PC: variants seen among roughly 807,000 people sequenced by gnomAD.
PC encodes the protein pyruvate carboxylase, mitochondrial.
Under a neutral mutation model 107.8 loss-of-function variants are expected in PC, and 46 were observed. That is an observed-to-expected ratio of 0.43 (90% CI 0.34 to 0.55). The LOEUF is 0.55. Ranked by LOEUF, PC falls within the 20% of genes least tolerant of loss-of-function variation. PC has a pLI of 0.04. For synonymous variants in PC, 662 were observed against 684.7 expected (o/e 0.97, Z 0.52); for missense variants, 1,241 against 1,643.1 (o/e 0.76, Z 4.23).
In PC at chr11:66,852,361, C is replaced by T. The variant is rs1773106627; in HGVS notation, c.1825+78G>A. On this transcript the variant is annotated intron_variant, in intron 15 of 22. Coordinates refer to ENST00000393960, the MANE Select transcript of PC (RefSeq NM_001040716.2). The surrounding 1 kb of genome is among the most constrained non-coding windows in gnomAD (Gnocchi z 4.7). ...TCGTGTCAGCGTCTCTAGCTTGTCC[C>T]CAGTGGCCTAAGCCTGTGGGACTGG... 2 of 1,168,338 alleles carry T rather than the reference C, an allele frequency of 1.7e-6. No homozygotes were observed. The highest frequency in any genetic ancestry group is 3.0e-5 in the African/African-American group (2 of 66,436). The allele number at this position is 1,168,338 out of a possible 1,614,324, so 72.4% of individuals were successfully genotyped here.
intron 3 of PC, among the ~76,000 whole-genome samples, chr11:66,916,082 G>C (rs985515799): frequency 1.4e-4 from 21 of 152,126 alleles, no homozygotes; most frequent in Non-Finnish European, 2.6e-4. Context: ...ATTGCTGGAG[G>C]GGATCAGCAG....
intron 3 of PC, among the ~76,000 whole-genome samples, chr11:66,951,106 C>G (rs1204571360): frequency 6.6e-6 from 1 of 152,128 alleles, no homozygotes; most frequent in Admixed American, 6.6e-5. Context: ...AGGAAACCAG[C>G]TCCTGCGTCA....
intron 3 of PC, among the ~76,000 whole-genome samples, chr11:66,886,077 T>C (rs1188048894): frequency 6.6e-6 from 1 of 150,996 alleles, no homozygotes; most frequent in Non-Finnish European, 1.5e-5. Flanking sequence ...GCAGCAGAGA[T>C]GAGAAGTGAA....
At chr11:66,956,963 C>T (rs570128694) in intron 1 of PC, among the ~76,000 whole-genome samples, 3 of 152,354 alleles carry the variant, frequency 2.0e-5, no homozygotes, top group African/African-American at 7.2e-5. Context: ...TCATCGCCCA[C>T]GCTGTCTCTC....
At chr11:66,918,072 G>C (rs939158314) in intron 3 of PC, among the ~76,000 whole-genome samples, 1 of 152,156 alleles carries the variant, frequency 6.6e-6, no homozygotes, top group Admixed American at 6.5e-5. Context: ...TCTAGGTGGT[G>C]ATAGAAACAG....
Position 66,866,267 on chromosome 11 carries a change from T to C in PC, c.1105A>G (p.Ile369Val). Residue 369 changes from isoleucine (I) to valine (V), a missense_variant, in exon 11 of 23, where the codon ATC becomes GTC. This residue lies in a region of PC where 1,143 missense variants were observed against 1,551.9 expected (regional missense o/e 0.74). Coordinates refer to ENST00000393960, the MANE Select transcript of PC (RefSeq NM_001040716.2). The surrounding 1 kb of genome is among the most constrained non-coding windows in gnomAD (Gnocchi z 5.4). ...DLGLRQENIR[I>V]NGCAIQCRVT... Reference sequence around the variant, plus strand: ...CGGCACTGGATGGCACACCCGTTGATGCGGATGTTCTCCTGCCGCAGGCCC... The same window carrying C: ...CGGCACTGGATGGCACACCCGTTGACGCGGATGTTCTCCTGCCGCAGGCCC... 1 of 1,613,042 alleles carries C rather than the reference T, an allele frequency of 6.2e-7. No individual in the cohort carries two copies. Among genetic ancestry groups the C allele is most frequent in the Non-Finnish European group, 8.5e-7 (1 of 1,179,912 alleles).
intron 3 of PC, 62 bp from the exon 4 acceptor site, chr11:66,872,221 G>A (rs1946767083): frequency 3.9e-6 from 6 of 1,540,636 alleles, no homozygotes; most frequent in Non-Finnish European, 5.3e-6. Context: ...CTCAGAATGA[G>A]TGAGGGCCCT....
At position 66,870,639 on chromosome 11, in the gene PC, A is replaced by T; in HGVS notation, c.751+136T>A. ...ACTGCCAGCTCGGCCCCTAGAGCCC[A>T]CTTTCCAGAGTCCTCTGGAAAAGCG... is the stretch of plus-strand genomic sequence containing the variant. On this transcript the variant is annotated intron_variant, in intron 8 of 22. Transcript: ENST00000393960. The surrounding 1 kb of genome is among the most constrained non-coding windows in gnomAD (Gnocchi z 6.1). 8.8e-7 allele frequency: 1 copy of T among 1,133,626 alleles called. No homozygotes were observed. The highest frequency in any genetic ancestry group is 1.3e-6 in the Non-Finnish European group (1 of 759,436). 70.2% of individuals were successfully genotyped at this position (1,133,626 alleles called of 1,614,324 possible). A position where few individuals can be genotyped will look rare whatever the true frequency, so the allele number is the denominator to read the frequency against.
At chr11:66,900,249 C>T (rs892857445) in intron 3 of PC, among the ~76,000 whole-genome samples, 3 of 137,162 alleles carry the variant, frequency 2.2e-5, no homozygotes, top group East Asian at 2.3e-4. Context: ...GGCACGATCT[C>T]GGCTCACTGC....
chr11:66,956,904 T>G (rs1476968277), intron 1 of PC, among the ~76,000 whole-genome samples: 2 of 152,236 alleles, frequency 1.3e-5, no homozygotes, highest in African/African-American at 4.8e-5. Flanking sequence ...TTGTTTATTT[T>G]CTCTCTCCCC....
chr11:66,917,316 C>A (rs114600966), intron 3 of PC, among the ~76,000 whole-genome samples: 1,803 of 152,206 alleles, frequency 0.012, 41 homozygotes, highest in African/African-American at 0.04. Context: ...AAGTGATCCA[C>A]CCCGCCTTGG....
chr11:66,851,637 C>T (rs1249034691), intron 16 of PC, among the ~76,000 whole-genome samples, 153 bp downstream of exon 16: 1 of 152,222 alleles, frequency 6.6e-6, no homozygotes, highest in Admixed American at 6.5e-5. Flanking sequence ...CAATTTTACA[C>T]TTCTCGATAT....
At chr11:66,873,484 ATATTATATATAT>A (rs1946844656) in intron 3 of PC, among the ~76,000 whole-genome samples, 1 of 65,268 alleles carries the variant, frequency 1.5e-5, no homozygotes, top group African/African-American at 6.1e-5. Flanking sequence ...ATAATATATA[ATATTATATATAT>A]TATATAATAT....
intron 3 of PC, among the ~76,000 whole-genome samples, chr11:66,884,975 G>A (rs1381669221): frequency 6.6e-6 from 1 of 152,166 alleles, no homozygotes; most frequent in African/African-American, 2.4e-5. Flanking sequence ...ACCCCTGCTG[G>A]AGAGCTTCAC....
At position 66,858,396 on chromosome 11, in the gene PC, C is replaced by T. The variant is rs755906892; in HGVS notation, c.1369-5013G>A. On this transcript the variant is annotated intron_variant, in intron 12 of 22. Coordinates refer to ENST00000393960, the MANE Select transcript of PC (RefSeq NM_001040716.2). The surrounding 1 kb of genome is among the most constrained non-coding windows in gnomAD (Gnocchi z 5.9). ...TCCGGACCCGCTTTTCTCTCGTGGG[C>T]GTGATGCAGAGGCCTCTCCCGCCCC... is the stretch of plus-strand genomic sequence containing the variant. The T allele has an allele frequency of 5.8e-6, 9 of 1,563,216 alleles. No individual in the cohort carries two copies. The East Asian group carries it at 7.1e-5, about 12-fold the overall frequency.
chr11:66,853,742 C>T (rs1232371893), intron 12 of PC, among the ~76,000 whole-genome samples: 2 of 152,224 alleles, frequency 1.3e-5, no homozygotes, highest in Non-Finnish European at 2.9e-5. Context: ...GGGCCTTGAC[C>T]GCAACAGACC....
rs542628435 is a variant in PC, at chr11:66,910,158, T to C, written c.1-37999A>G. Among the ~76,000 whole-genome samples, 5 of 152,306 alleles carry C rather than the reference T, an allele frequency of 3.3e-5. No homozygotes were observed. The East Asian group carries it at 9.6e-4, about 29-fold the overall frequency. ...AAACGGTAGCAAGGTTATGCGCTGC[T>C]GCCCTGGCGAACGAGTCGCTCACAT... On this transcript the variant is annotated intron_variant, in intron 3 of 22. Transcript: ENST00000393960.
intron 12 of PC, among the ~76,000 whole-genome samples, chr11:66,854,488 G>A (rs577910150): frequency 3.9e-5 from 6 of 152,160 alleles, no homozygotes; most frequent in Non-Finnish European, 7.3e-5. Context: ...AGGGGCCCTC[G>A]GTTCCACTCA....
chr11:66,868,748 G>A lies in PC; in HGVS notation c.1022+98C>T, dbSNP rs1946602724. Reference sequence around the variant, plus strand: ...ATTGCTCTCCACCAATGTGGGGAGTGAGCAAGCCCCCTGGCTGGCCCCAGG... The same window carrying A: ...ATTGCTCTCCACCAATGTGGGGAGTAAGCAAGCCCCCTGGCTGGCCCCAGG... On this transcript the variant is annotated intron_variant, in intron 10 of 22. Transcript: ENST00000393960. The A allele has an allele frequency of 5.6e-6, 5 of 885,508 alleles. No individual in the cohort carries two copies. In the East Asian group the frequency reaches 7.2e-5, roughly 13 times the overall value. 54.9% of individuals were successfully genotyped at this position (885,508 alleles called of 1,614,324 possible).
Sources: allele counts gnomAD v4.1 joint callset (sites outside exome capture counted in the v4.1 genomes callset), GRCh38; gene constraint gnomAD v4.1.1; regional missense constraint gnomAD v4.1.1; non-coding constraint Gnocchi (gnomAD v3.1); transcripts MANE v1.5; gene names NCBI Gene and HGNC (gene_info 2026-07-23, HGNC 2026-07-21).